Variants in AUTS2 observed in about 807,000 individuals in gnomAD.
AUTS2 encodes the protein activator of transcription and developmental regulator AUTS2.
Under a neutral mutation model 112.4 loss-of-function variants are expected in AUTS2, and 17 were observed. That is an observed-to-expected ratio of 0.15 (90% CI 0.10 to 0.23). The LOEUF is 0.23. Ranked by LOEUF, AUTS2 falls within the 10% of genes least tolerant of loss-of-function variation. The probability of loss-of-function intolerance (pLI) is 1.00; values close to 1 mark genes in which losing one functional copy is unlikely to be tolerated. For missense variants in AUTS2, 1,510 were observed against 1,701.6 expected (o/e 0.89, Z 1.98); for synonymous variants, 751 against 702.7 (o/e 1.07, Z -1.09).
intron 5 of AUTS2, among the ~76,000 whole-genome samples, chr7:70,565,076 C>T (rs940524241): frequency 1.3e-5 from 2 of 151,566 alleles, no homozygotes; most frequent in Non-Finnish European, 1.5e-5. Context: ...CCAGCCTGGG[C>T]GATAGAGTGA....
At chr7:70,421,041 C>A (rs1327243626) in intron 4 of AUTS2, among the ~76,000 whole-genome samples, 1 of 152,076 alleles carries the variant, frequency 6.6e-6, no homozygotes. Flanking sequence ...TTTTGACAAA[C>A]ATTCAGGGGG....
Position 70,266,232 on chromosome 7 carries a change from C to T in AUTS2, c.660+131661C>T, listed in dbSNP as rs550266639. ...CCATAAGAAAGAATGGAGTACCACA[C>T]GTGCTACAGCATGGCTGAACCTTGG... On this transcript the variant is annotated intron_variant, in intron 4 of 18. Coordinates refer to ENST00000342771, the MANE Select transcript of AUTS2 (RefSeq NM_015570.4). Among the ~76,000 whole-genome samples the T allele has an allele frequency of 2.6e-5, 4 of 152,264 alleles. No individual in the cohort carries two copies. The South Asian group carries it at 6.2e-4, about 24-fold the overall frequency.
chr7:70,160,048 T>C (rs1377185096), intron 4 of AUTS2, among the ~76,000 whole-genome samples: 5 of 152,158 alleles, frequency 3.3e-5, no homozygotes, highest in Non-Finnish European at 7.4e-5. Context: ...AATAAAGGTA[T>C]AATTAGATTG....
chr7:70,154,591 G>A (rs1807638120), intron 4 of AUTS2, among the ~76,000 whole-genome samples: 1 of 152,076 alleles, frequency 6.6e-6, no homozygotes, highest in African/African-American at 2.4e-5. Flanking sequence ...ATATTTAGCA[G>A]TTTATTTTCT....
intron 1 of AUTS2, among the ~76,000 whole-genome samples, chr7:69,640,641 A>T (rs1398494993): frequency 6.6e-6 from 1 of 152,228 alleles, no homozygotes; most frequent in African/African-American, 2.4e-5. Context: ...TAGCATATTG[A>T]ATGCCCTGAG....
intron 2 of AUTS2, among the ~76,000 whole-genome samples, chr7:70,099,604 A>T (rs953872031): frequency 7.9e-5 from 12 of 151,550 alleles, no homozygotes; most frequent in Non-Finnish European, 1.8e-4. Context: ...TTATTCTTCC[A>T]CTCAGATCAG....
chr7:70,472,456 ACC>A (rs1797427694), intron 5 of AUTS2, among the ~76,000 whole-genome samples: 6 of 151,326 alleles, frequency 4.0e-5, no homozygotes, highest in Non-Finnish European at 8.8e-5. Context: ...CAAGAGCTCT[ACC>A]CAGTTGCTGG....
At chr7:69,601,249 C>G (rs902631132) in intron 1 of AUTS2, among the ~76,000 whole-genome samples, 2 of 152,054 alleles carry the variant, frequency 1.3e-5, no homozygotes, top group Non-Finnish European at 2.9e-5. Context: ...GTTTCATGCA[C>G]CTGATGTGAT....
intron 2 of AUTS2, among the ~76,000 whole-genome samples, chr7:69,929,554 T>C (rs1796152597): frequency 6.6e-6 from 1 of 152,204 alleles, no homozygotes. Context: ...TTCTTCATTC[T>C]TTTTTCTCTT....
At chr7:70,484,310 G>A (rs1224064155) in intron 5 of AUTS2, among the ~76,000 whole-genome samples, 4 of 152,054 alleles carry the variant, frequency 2.6e-5, no homozygotes, top group Non-Finnish European at 4.4e-5. Context: ...ACTTACCCTC[G>A]GGCCCATTCT....
intron 1 of AUTS2, among the ~76,000 whole-genome samples, chr7:69,888,306 A>G (rs1004880075): frequency 4.0e-5 from 6 of 151,652 alleles, no homozygotes; most frequent in Non-Finnish European, 7.4e-5. Flanking sequence ...TCCACTCATG[A>G]TGGACGGCAA....
chr7:70,597,390 C>A (rs1034044079), intron 5 of AUTS2, among the ~76,000 whole-genome samples: 1 of 152,266 alleles, frequency 6.6e-6, no homozygotes, highest in Admixed American at 6.5e-5. Flanking sequence ...AAGAGTGAAA[C>A]GAGTGGGTCA....
intron 5 of AUTS2, among the ~76,000 whole-genome samples, chr7:70,685,472 CA>C (rs34403837): frequency 0.19 from 12,466 of 65,970 alleles, 557 homozygotes; most frequent in East Asian, 0.46. Context: ...GACTCTGTCT[CA>C]AAAAAAAAAA....
intron 5 of AUTS2, among the ~76,000 whole-genome samples, chr7:70,663,620 T>C (rs1397633209): frequency 2.6e-5 from 4 of 151,628 alleles, no homozygotes; most frequent in African/African-American, 7.3e-5. Context: ...CACCCAATCA[T>C]GGGGAGGAAG....
intron 2 of AUTS2, among the ~76,000 whole-genome samples, chr7:69,973,037 A>AT (rs549173843): frequency 0.016 from 2,469 of 150,406 alleles, 23 homozygotes; most frequent in Middle Eastern, 0.031. Flanking sequence ...GGTTTTGGGA[A>AT]TTTTTTTTTT....
At chr7:70,789,486 C>T (rs1223363264) in intron 18 of AUTS2, among the ~76,000 whole-genome samples, 1 of 152,138 alleles carries the variant, frequency 6.6e-6, no homozygotes, top group Non-Finnish European at 1.5e-5. Flanking sequence ...TCTTAACATG[C>T]AGAGAGATTC....
At chr7:70,129,150 A>G (rs777056986) in intron 3 of AUTS2, among the ~76,000 whole-genome samples, 3 of 151,926 alleles carry the variant, frequency 2.0e-5, no homozygotes, top group Non-Finnish European at 4.4e-5. Context: ...AAGATCTACA[A>G]TCAGCAAGCT....
intron 1 of AUTS2, among the ~76,000 whole-genome samples, chr7:69,722,117 G>A (rs1304140757): frequency 6.6e-6 from 1 of 150,978 alleles, no homozygotes; most frequent in Non-Finnish European, 1.5e-5. Context: ...GCCTTGAAAT[G>A]CATGAGAAAG....
At chr7:70,777,600 A>G (rs776329286) in intron 14 of AUTS2, among the ~76,000 whole-genome samples, 3 of 152,216 alleles carry the variant, frequency 2.0e-5, no homozygotes, top group Non-Finnish European at 2.9e-5. Flanking sequence ...GAGCCTCCCA[A>G]GTAGCTGGGA....
Sources: gnomAD v4.1 joint callset for allele counts (sites outside exome capture counted in the v4.1 genomes callset) on GRCh38, gnomAD v4.1.1 for gene constraint, MANE v1.5 for transcripts, NCBI Gene and HGNC (gene_info 2026-07-23, HGNC 2026-07-21) for gene names.